Variants in TLK2 observed in about 807,000 individuals in gnomAD.
The protein encoded by TLK2 is tousled like kinase 2, also known as serine/threonine-protein kinase tousled-like 2.
Under a neutral mutation model 117.3 loss-of-function variants are expected in TLK2, and 6 were observed. The ratio of observed to expected loss-of-function variants is 0.05; its 90% CI spans 0.03 to 0.10. TLK2 has a LOEUF of 0.10. TLK2 is among the 10% of genes least tolerant of loss of function. The pLI, the probability that TLK2 is intolerant of heterozygous loss-of-function variation, is 1.00. For missense variants in TLK2, 299 were observed against 901.2 expected (o/e 0.33, Z 8.56); for synonymous variants, 257 against 316.7 (o/e 0.81, Z 2.00).
At chr17:62,484,742 C>T (rs1345170924) in intron 2 of TLK2, among the ~76,000 whole-genome samples, 1 of 152,038 alleles carries the variant, frequency 6.6e-6, no homozygotes, top group Non-Finnish European at 1.5e-5. Context: ...CATTTTGGAT[C>T]ATTATTTCCC....
chr17:62,517,496 G>A (rs1351215218), intron 2 of TLK2, among the ~76,000 whole-genome samples: 1 of 151,950 alleles, frequency 6.6e-6, no homozygotes, highest in Non-Finnish European at 1.5e-5. Context: ...CCGGGTTCAC[G>A]CCATTCTTCT....
chr17:62,614,448 A>G lies in TLK2; in HGVS notation c.*1883A>G, dbSNP rs1260376604. ...GCAGGGAGGGGGAGTCAGAAAGGGT[A>G]GAGAGCTCTCAAATAACTCATGACT... On this transcript the variant is annotated 3_prime_UTR_variant, in exon 22 of 22. Transcript: ENST00000346027. 6.6e-6 allele frequency: 1 copy of G among 152,100 alleles called. No homozygotes were observed. Among genetic ancestry groups the G allele is most frequent in the African/African-American group, 2.4e-5 (1 of 41,436 alleles). The allele number at this position is 152,100 out of a possible 1,614,324, so 9.4% of individuals were successfully genotyped here.
At chr17:62,538,761 G>A (rs1385860157) in intron 7 of TLK2, among the ~76,000 whole-genome samples, 4 of 152,202 alleles carry the variant, frequency 2.6e-5, no homozygotes, top group Non-Finnish European at 4.4e-5. Flanking sequence ...AAAACCAAAA[G>A]TCTAAATGCT....
intron 12 of TLK2, 50 bp downstream of exon 12, chr17:62,573,417 A>C: frequency 3.8e-6 from 6 of 1,590,936 alleles, no homozygotes; most frequent in Non-Finnish European, 5.1e-6. Flanking sequence ...CTGCCCCCAA[A>C]TACAAATGTT....
intron 2 of TLK2, among the ~76,000 whole-genome samples, chr17:62,504,669 A>G (rs1284192000): frequency 3.3e-5 from 5 of 152,224 alleles, no homozygotes; most frequent in Non-Finnish European, 7.4e-5. Flanking sequence ...AAAGCCGGAC[A>G]TGGCGGCATG....
intron 2 of TLK2, among the ~76,000 whole-genome samples, chr17:62,508,232 T>G: frequency 7.0e-6 from 1 of 143,132 alleles, no homozygotes; most frequent in East Asian, 2.1e-4. Flanking sequence ...CCCTCCCAAG[T>G]GATATGGATA....
intron 16 of TLK2, among the ~76,000 whole-genome samples, chr17:62,589,565 G>A (rs777092671): frequency 9.2e-5 from 14 of 152,126 alleles, no homozygotes; most frequent in Non-Finnish European, 1.5e-4. Context: ...CAGGTTCAGC[G>A]ACACTCTGCA....
Position 62,613,590 on chromosome 17 carries a change from A to G in TLK2, c.*1025A>G, listed in dbSNP as rs1260472391. 3 of 152,492 alleles carry G rather than the reference A, an allele frequency of 2.0e-5. No homozygotes were observed. The highest frequency in any genetic ancestry group is 4.4e-5 in the Non-Finnish European group (3 of 68,036). The allele number at this position is 152,492 out of a possible 1,614,324, so 9.4% of individuals were successfully genotyped here. The stretch of plus-strand genomic sequence containing the variant: ...GACACTCCAGGGATCAGTAGTTCCT[A>G]CCCATAGTCTTTGTGTGCTTGCTAA... On this transcript the variant is annotated 3_prime_UTR_variant, in exon 22 of 22. Coordinates refer to ENST00000346027, the MANE Select transcript of TLK2 (RefSeq NM_006852.6).
At chr17:62,525,412 T>C (rs1231472359) in intron 6 of TLK2, among the ~76,000 whole-genome samples, 1 of 152,046 alleles carries the variant, frequency 6.6e-6, no homozygotes, top group Non-Finnish European at 1.5e-5. Context: ...AACTAAGAAG[T>C]TTTGGCTATT....
intron 2 of TLK2, among the ~76,000 whole-genome samples, chr17:62,506,459 A>G (rs1236965132): frequency 6.6e-6 from 1 of 152,218 alleles, no homozygotes; most frequent in Non-Finnish European, 1.5e-5. Flanking sequence ...ATCTTACACC[A>G]GTTCCAGTAG....
chr17:62,536,115 G>A, intron 6 of TLK2, 55 bp from the exon 7 acceptor site: 1 of 1,567,540 alleles, frequency 6.4e-7, no homozygotes. Context: ...GCATGTTTGG[G>A]CAGTATCAGA....
Position 62,611,629 on chromosome 17 carries a change from A to T in TLK2, c.2080-763A>T, listed in dbSNP as rs1215480287. Among the ~76,000 whole-genome samples, 4 of 152,362 alleles carry T rather than the reference A, an allele frequency of 2.6e-5. No individual in the cohort carries two copies. In the East Asian group the frequency reaches 7.7e-4, roughly 29 times the overall value. ...AAAATACTGAGTTTCTGTAATAATG[A>T]TGTTTTAGATTTTTTTAAATTAATT... On this transcript the variant is annotated intron_variant, in intron 21 of 21. Transcript: ENST00000346027.
At chr17:62,526,685 C>T (rs1395274695) in intron 6 of TLK2, among the ~76,000 whole-genome samples, 1 of 109,266 alleles carries the variant, frequency 9.2e-6, no homozygotes, top group Non-Finnish European at 2.3e-5. Context: ...TGTAATCTGC[C>T]TTGTCCTGGT....
chr17:62,561,382 A>G (rs574236805), intron 10 of TLK2, among the ~76,000 whole-genome samples: 1 of 152,282 alleles, frequency 6.6e-6, no homozygotes, highest in South Asian at 2.1e-4. Context: ...TTTCTAGTTC[A>G]AGATCCCTGA....
upstream of TLK2, among the ~76,000 whole-genome samples, chr17:62,474,983 T>C (rs117701131): frequency 0.033 from 4,969 of 152,006 alleles, 107 homozygotes; most frequent in Middle Eastern, 0.11. Flanking sequence ...ATGGCGGAGG[T>C]TGCAGTGAGC....
intron 16 of TLK2, among the ~76,000 whole-genome samples, chr17:62,589,540 T>C (rs2081915743): frequency 6.6e-6 from 1 of 152,088 alleles, no homozygotes; most frequent in African/African-American, 2.4e-5. Flanking sequence ...AGAGATGCGG[T>C]TTTAGAGCTG....
At chr17:62,547,389 A>G (rs1279311885) in intron 7 of TLK2, among the ~76,000 whole-genome samples, 1 of 145,196 alleles carries the variant, frequency 6.9e-6, no homozygotes, top group African/African-American at 2.6e-5. Context: ...CCAGTTTGGC[A>G]TTTCTAGATT....
intron 9 of TLK2, among the ~76,000 whole-genome samples, chr17:62,555,246 C>G (rs2078766617): frequency 6.6e-6 from 1 of 151,988 alleles, no homozygotes; most frequent in Admixed American, 6.6e-5. Context: ...TCTTACTAGG[C>G]TTTGGGTACA....
At chr17:62,530,410 C>T (rs943333836) in intron 6 of TLK2, among the ~76,000 whole-genome samples, 6 of 152,056 alleles carry the variant, frequency 3.9e-5, no homozygotes, top group African/African-American at 7.2e-5. Context: ...GAGGCTGGAG[C>T]GAGCCATGAT....
Sources: allele counts gnomAD v4.1 joint callset (sites outside exome capture counted in the v4.1 genomes callset), GRCh38; gene constraint gnomAD v4.1.1; transcripts MANE v1.5; gene names NCBI Gene and HGNC (gene_info 2026-07-23, HGNC 2026-07-21).